Variants in PRKCH observed in about 807,000 individuals in gnomAD.
PRKCH encodes the protein protein kinase C eta, also known as protein kinase C eta type.
A neutral mutation model predicts 82.5 loss-of-function variants in PRKCH; 28 were observed. That is an observed-to-expected ratio of 0.34 (90% CI 0.25 to 0.47). PRKCH has a LOEUF of 0.47. Ranked by LOEUF, PRKCH falls within the 20% of genes least tolerant of loss-of-function variation. The probability of loss-of-function intolerance (pLI) is 1.00; values close to 1 mark genes in which losing one functional copy is unlikely to be tolerated. For missense variants in PRKCH, 705 were observed against 881.8 expected (o/e 0.80, Z 2.54); for synonymous variants, 322 against 327.4 (o/e 0.98, Z 0.18).
intron 1 of PRKCH, among the ~76,000 whole-genome samples, chr14:61,297,273 A>G (rs946561971): frequency 6.6e-6 from 1 of 152,228 alleles, no homozygotes; most frequent in South Asian, 2.1e-4. Context: ...GTTACAGTTT[A>G]TTAAGGAGAA....
chr14:61,381,556 T>C (rs978201506), intron 1 of PRKCH, among the ~76,000 whole-genome samples: 4 of 152,256 alleles, frequency 2.6e-5, no homozygotes, highest in African/African-American at 9.6e-5. Context: ...ACCTTGTGTG[T>C]CTGCAGCATG....
intron 1 of PRKCH, among the ~76,000 whole-genome samples, chr14:61,237,395 A>T (rs1362088956): frequency 6.6e-6 from 1 of 151,746 alleles, no homozygotes; most frequent in Admixed American, 6.5e-5. Context: ...GTCTCTTGTG[A>T]AAAAAATCTA....
At chr14:61,283,773 A>G (rs1251428152) in intron 1 of PRKCH, among the ~76,000 whole-genome samples, 2 of 152,158 alleles carry the variant, frequency 1.3e-5, no homozygotes, top group Non-Finnish European at 2.9e-5. Context: ...AGCTTTAACC[A>G]GGGAGTTATG....
At chr14:61,296,946 A>G (rs2045411295) in intron 1 of PRKCH, among the ~76,000 whole-genome samples, 1 of 152,242 alleles carries the variant, frequency 6.6e-6, no homozygotes, top group Admixed American at 6.5e-5. Context: ...TGTAACTCAC[A>G]TGATTGTAAC....
At chr14:61,332,120 T>G (rs1275552841) in intron 1 of PRKCH, among the ~76,000 whole-genome samples, 1 of 152,232 alleles carries the variant, frequency 6.6e-6, no homozygotes, top group Non-Finnish European at 1.5e-5. Context: ...CTCACTAGTT[T>G]GGCAATTACA....
chr14:61,322,683 C>T, intron 1 of PRKCH: 1 of 588,648 alleles, frequency 1.7e-6, no homozygotes, highest in Non-Finnish European at 2.9e-6. Flanking sequence ...GGACACGATC[C>T]CCTTTCAGGA....
At chr14:61,442,845 G>A (rs534433571) in intron 2 of PRKCH, 41 of 275,796 alleles carry the variant, frequency 1.5e-4, no homozygotes, top group Admixed American at 3.0e-4. Context: ...TGCTGAGGTA[G>A]GAGCATCACT....
chr14:61,265,395 A>T (rs2045090007), intron 1 of PRKCH, among the ~76,000 whole-genome samples: 2 of 152,126 alleles, frequency 1.3e-5, no homozygotes, highest in Non-Finnish European at 2.9e-5. Flanking sequence ...GTGGGAGGAT[A>T]GCTTGAGCCT....
At chr14:61,250,134 C>T (rs189459789) in intron 1 of PRKCH, among the ~76,000 whole-genome samples, 2 of 151,034 alleles carry the variant, frequency 1.3e-5, no homozygotes, top group African/African-American at 4.8e-5. Context: ...GTCGTGGGCG[C>T]CTGTAATCCC....
At chr14:61,401,417 A>AT (rs146594272) in intron 2 of PRKCH, among the ~76,000 whole-genome samples, 3,139 of 152,326 alleles carry the variant, frequency 0.021, 75 homozygotes, top group East Asian at 0.083. Context: ...AAATTTTAAA[A>AT]TTCATTCTCA....
At chr14:61,272,344 C>CTTTTTTTT (rs1162331604) in intron 1 of PRKCH, among the ~76,000 whole-genome samples, 16 of 23,624 alleles carry the variant, frequency 6.8e-4, no homozygotes, top group African/African-American at 1.7e-3. Flanking sequence ...TTTTTTCTTT[C>CTTTTTTTT]TTTTTTTTTT....
At chr14:61,478,944 C>T (rs1047026159) in intron 9 of PRKCH, among the ~76,000 whole-genome samples, 2 of 152,154 alleles carry the variant, frequency 1.3e-5, no homozygotes, top group Admixed American at 6.6e-5. Flanking sequence ...AGAAAACTTT[C>T]TTAAGGCTAT....
At chr14:61,390,032 G>A (rs2046651363) in intron 1 of PRKCH, among the ~76,000 whole-genome samples, 1 of 152,154 alleles carries the variant, frequency 6.6e-6, no homozygotes, top group South Asian at 2.1e-4. Context: ...AATAAAAATG[G>A]AGCCATGGGC....
chr14:61,549,574 A>G lies in PRKCH; in HGVS notation c.1906-111A>G, dbSNP rs2043300721. The G allele has an allele frequency of 5.1e-6, 6 of 1,179,606 alleles. 1 individual carries two copies. In the South Asian group the frequency reaches 5.8e-5, roughly 11 times the overall value. The allele number at this position is 1,179,606 out of a possible 1,614,324, so 73.1% of individuals were successfully genotyped here. A position where few individuals can be genotyped will look rare whatever the true frequency, so the allele number is the denominator to read the frequency against. On this transcript the variant is annotated intron_variant, in intron 13 of 13. Coordinates refer to ENST00000332981, the MANE Select transcript of PRKCH (RefSeq NM_006255.5). The stretch of plus-strand genomic sequence containing the variant: ...CAATAACTGTAAATAATGCTACTGA[A>G]CAAGCTACAGAGCACTCCTCTGAAC...
At chr14:61,362,568 A>G (rs1236687744) in intron 1 of PRKCH, among the ~76,000 whole-genome samples, 1 of 152,202 alleles carries the variant, frequency 6.6e-6, no homozygotes, top group Admixed American at 6.5e-5. Context: ...ATACATTATT[A>G]CATATTTGTA....
intron 1 of PRKCH, among the ~76,000 whole-genome samples, chr14:61,297,760 A>T (rs1335387510): frequency 3.3e-5 from 5 of 152,058 alleles, no homozygotes; most frequent in Admixed American, 3.3e-4. Context: ...ACCTCCTGCT[A>T]TGTGGCTGGG....
At chr14:61,316,767 A>G (rs2045564747), upstream of PRKCH, among the ~76,000 whole-genome samples, 1 of 152,136 alleles carries the variant, frequency 6.6e-6, no homozygotes, top group African/African-American at 2.4e-5. Context: ...GTTTTCCTGG[A>G]GATTAATTTT....
rs1024224268 is a variant in PRKCH, at chr14:61,515,343, G to T, written c.1434-13732G>T. ...CTGTGGTGGTGTGGATGGCAACAGG[G>T]TTCAGTGACTTCCCTTATCCTCGTT... On this transcript the variant is annotated intron_variant, in intron 10 of 13. Coordinates refer to ENST00000332981, the MANE Select transcript of PRKCH (RefSeq NM_006255.5). 3.9e-5 allele frequency among the ~76,000 whole-genome samples: 6 copies of T among 152,306 alleles called. No homozygotes were observed. In the South Asian group the frequency reaches 1.2e-3, roughly 32 times the overall value.
chr14:61,515,806 T>C (rs2042818568), intron 10 of PRKCH, among the ~76,000 whole-genome samples: 1 of 152,218 alleles, frequency 6.6e-6, no homozygotes, highest in South Asian at 2.1e-4. Flanking sequence ...TTATCAGTGT[T>C]GATTCTTATA....
Sources: allele counts gnomAD v4.1 joint callset (sites outside exome capture counted in the v4.1 genomes callset), GRCh38; gene constraint gnomAD v4.1.1; transcripts MANE v1.5; gene names NCBI Gene and HGNC (gene_info 2026-07-23, HGNC 2026-07-21).